The following NSD1 variants were observed in gnomAD, a reference collection of about 807,000 sequenced individuals.
NSD1 encodes the protein histone-lysine N-methyltransferase, H3 lysine-36 specific.
Under a neutral mutation model 242.7 loss-of-function variants are expected in NSD1, and 26 were observed. That is an observed-to-expected ratio of 0.11 (90% CI 0.08 to 0.15). The LOEUF (loss-of-function observed/expected upper bound fraction) is 0.15. Among genes scored for constraint, NSD1 ranks in the 10% least tolerant of loss-of-function variants. NSD1 has a pLI of 1.00. For missense variants in NSD1, 2,495 were observed against 3,272.8 expected (o/e 0.76, Z 5.80); for synonymous variants, 1,106 against 1,178.1 (o/e 0.94, Z 1.25).
intron 22 of NSD1, among the ~76,000 whole-genome samples, chr5:177,293,242 G>A (rs558316798): frequency 6.6e-6 from 1 of 152,274 alleles, no homozygotes; most frequent in South Asian, 2.1e-4. Context: ...TGGGGAGGCA[G>A]GTAAAAGCTT....
chr5:177,190,149 G>A (rs1314248707), intron 2 of NSD1, among the ~76,000 whole-genome samples: 1 of 151,982 alleles, frequency 6.6e-6, no homozygotes, highest in Non-Finnish European at 1.5e-5. Context: ...GTAGAGACTG[G>A]GTCTGACATG....
rs1244652840 is a variant in NSD1 at position 177,295,895 on chromosome 5, C to T, written c.*436C>T. On this transcript the variant is annotated 3_prime_UTR_variant, in exon 23 of 23. Transcript: ENST00000439151. This position sits in a 1 kb window ranked among gnomAD's most constrained non-coding sequence, Gnocchi z 4.3. ...AAATGGTGTTCTTTCAAATCAGTGG[C>T]GATTTCCTGAGCATTCACGTGTTCT... is the stretch of plus-strand genomic sequence containing the variant. 2.5e-5 allele frequency: 9 copies of T among 365,976 alleles called. No individual in the cohort carries two copies. Among genetic ancestry groups the T allele is most frequent in the East Asian group, 4.3e-5 (1 of 23,114 alleles). The allele number at this position is 365,976 out of a possible 1,614,324, so 22.7% of individuals were successfully genotyped here.
chr5:177,229,324 G>A (rs535171322), intron 5 of NSD1, among the ~76,000 whole-genome samples: 4 of 152,256 alleles, frequency 2.6e-5, no homozygotes, highest in African/African-American at 7.2e-5. Flanking sequence ...TTTTGTAGTT[G>A]TATAGTAGGC....
At chr5:177,139,079 G>A (rs1443443967) in intron 2 of NSD1, among the ~76,000 whole-genome samples, 5 of 151,282 alleles carry the variant, frequency 3.3e-5, no homozygotes, top group Non-Finnish European at 5.9e-5. Context: ...GCAAAACCCC[G>A]TCTCTACTAA....
intron 2 of NSD1, among the ~76,000 whole-genome samples, chr5:177,151,844 C>T (rs2149777815): frequency 6.6e-6 from 1 of 151,702 alleles, no homozygotes; most frequent in East Asian, 2.0e-4. Flanking sequence ...CAGGTGTGTG[C>T]CTTCATACCT....
chr5:177,175,468 AAAATTTT>A (rs1383499803), intron 2 of NSD1, among the ~76,000 whole-genome samples: 1 of 152,048 alleles, frequency 6.6e-6, no homozygotes, highest in Non-Finnish European at 1.5e-5. Context: ...TCTAAAAAAA[AAAATTTT>A]AAATTTAGCC....
intron 5 of NSD1, among the ~76,000 whole-genome samples, chr5:177,218,319 G>A (rs566309940): frequency 6.6e-6 from 1 of 152,144 alleles, no homozygotes; most frequent in African/African-American, 2.4e-5. Context: ...AAAGTGCTGG[G>A]ATTACAGGTG....
Position 177,297,834 on chromosome 5 carries a change from T to C in NSD1, c.*2375T>C, listed in dbSNP as rs1581573382. ...GGGGCCATGATTGGCTGCTTTGTGG[T>C]TTTATTTTGGTTCTTTCCATTCTCC... On this transcript the variant is annotated 3_prime_UTR_variant, in exon 23 of 23. Transcript: ENST00000439151. 1 of 232,722 alleles carries C rather than the reference T, an allele frequency of 4.3e-6. No homozygotes were observed. The highest frequency in any genetic ancestry group is 6.0e-5 in the East Asian group (1 of 16,560). 14.4% of individuals were successfully genotyped at this position (232,722 alleles called of 1,614,324 possible).
intron 3 of NSD1, among the ~76,000 whole-genome samples, chr5:177,200,735 TTC>T (rs538510483): frequency 4.6e-5 from 7 of 152,126 alleles, no homozygotes; most frequent in East Asian, 3.8e-4. Flanking sequence ...CTGAATTTCT[TTC>T]TCTCTCTCTC....
chr5:177,217,658 G>A (rs201869978), intron 5 of NSD1, among the ~76,000 whole-genome samples: 7 of 144,564 alleles, frequency 4.8e-5, no homozygotes, highest in Admixed American at 2.1e-4. Flanking sequence ...TTTGGACAGC[G>A]TCACATTCTT....
rs745589817 is a variant in NSD1 at position 177,135,114 on chromosome 5, C to G, written c.11C>G (p.Thr4Ser). 3.1e-6 allele frequency: 5 copies of G among 1,614,044 alleles called. No homozygotes were observed. The highest frequency in any genetic ancestry group is 4.2e-6 in the Non-Finnish European group (5 of 1,180,036). The part of the protein sequence containing the change: MDQ[T>S]CELPRRNCLL... ...TGATGCCGGCCCAGGATGGATCAGA[C>G]CTGTGAACTACCCAGAAGAAATTGT... Residue 4 changes from threonine (T) to serine (S), a missense_variant, in exon 2 of 23, where the codon ACC (threonine) becomes AGC (serine). Around this residue, in one of 19 missense-constraint regions of NSD1, gnomAD observed 376 missense variants for 367.4 expected, o/e 1.02. Transcript: ENST00000439151.
chr5:177,256,068 G>T (rs1756428022), intron 12 of NSD1, among the ~76,000 whole-genome samples: 1 of 151,908 alleles, frequency 6.6e-6, no homozygotes, highest in Non-Finnish European at 1.5e-5. Flanking sequence ...CTACCAGCCA[G>T]TTCATTTTCA....
chr5:177,159,658 C>T (rs565096892), intron 2 of NSD1, among the ~76,000 whole-genome samples: 103 of 145,576 alleles, frequency 7.1e-4, no homozygotes, highest in African/African-American at 2.3e-3. Flanking sequence ...TGCAATGGTG[C>T]GATCTTGGCT....
chr5:177,132,735 G>A (rs1362500090), upstream of NSD1, among the ~76,000 whole-genome samples: 2 of 152,008 alleles, frequency 1.3e-5, no homozygotes, highest in East Asian at 3.9e-4. This position sits in a 1 kb window ranked among gnomAD's most constrained non-coding sequence, Gnocchi z 7.5. Context: ...AGCAGTGCCG[G>A]GGCGGGTAAC....
chr5:177,227,940 C>G (rs1454614506), intron 5 of NSD1, among the ~76,000 whole-genome samples: 1 of 147,792 alleles, frequency 6.8e-6, no homozygotes, highest in Admixed American at 6.7e-5. Flanking sequence ...AAGAGAGAAA[C>G]TCTCTCAAAA....
In NSD1 at chr5:177,295,568, C is replaced by T. The variant is rs779791719; in HGVS notation, c.*109C>T. ...AAAAAAAACACATCTGCCCCGAACA[C>T]TTTCCCACTGTTATTCTTTCCTCAT... is the stretch of plus-strand genomic sequence containing the variant. On this transcript the variant is annotated 3_prime_UTR_variant, in exon 23 of 23. Transcript: ENST00000439151. The surrounding 1 kb of genome is among the most constrained non-coding windows in gnomAD (Gnocchi z 4.3). The T allele has an allele frequency of 4.6e-5, 51 of 1,113,848 alleles. No individual in the cohort carries two copies. The highest frequency in any genetic ancestry group is 6.4e-5 in the Non-Finnish European group (48 of 751,196). 69.0% of individuals were successfully genotyped at this position (1,113,848 alleles called of 1,614,324 possible). A position where few individuals can be genotyped will look rare whatever the true frequency, so the allele number is the denominator to read the frequency against.
rs587784113 is a variant in NSD1, at chr5:177,244,255, A to G, written c.4363A>G (p.Lys1455Glu). 12 of 1,613,224 alleles carry G rather than the reference A, an allele frequency of 7.4e-6. No individual in the cohort carries two copies. The highest frequency in any genetic ancestry group is 8.5e-6 in the Non-Finnish European group (10 of 1,179,272). ...ITESCATSYS[K>E]DFGGGTTKIF... ...TGAATCTTGTGCCACATCTTATTCA[A>G]AAGATTTTGGTGGAGGTGAGTATTT... The change falls in exon 9 of 23, where the codon AAA (lysine) becomes GAA (glutamate). Residue 1455 changes from lysine to glutamate, a missense_variant. Lys to Glu is a moderately conservative substitution (Grantham distance 56). This residue lies in a region of NSD1 where 100 missense variants were observed against 190.7 expected (regional missense o/e 0.52). Coordinates refer to ENST00000439151, the MANE Select transcript of NSD1 (RefSeq NM_022455.5).
At chr5:177,181,433 T>G (rs1195794783) in intron 2 of NSD1, among the ~76,000 whole-genome samples, 5 of 144,864 alleles carry the variant, frequency 3.5e-5, no homozygotes, top group Admixed American at 3.4e-4. Flanking sequence ...TTTGGTTTTT[T>G]TTTTTTTTTT....
intron 3 of NSD1, among the ~76,000 whole-genome samples, chr5:177,203,784 G>A (rs1189504040): frequency 6.6e-6 from 1 of 151,610 alleles, no homozygotes; most frequent in African/African-American, 2.4e-5. Flanking sequence ...TGTATTTTTG[G>A]AACAATGAAA....
Sources: allele counts gnomAD v4.1 joint callset (sites outside exome capture counted in the v4.1 genomes callset), GRCh38; gene constraint gnomAD v4.1.1; regional missense constraint gnomAD v4.1.1; non-coding constraint Gnocchi (gnomAD v3.1); transcripts MANE v1.5; gene names NCBI Gene and HGNC (gene_info 2026-07-23, HGNC 2026-07-21).